The following LRP1B variants were observed in gnomAD, a reference collection of about 807,000 sequenced individuals.
The protein encoded by LRP1B is LDL receptor related protein 1B, also known as low-density lipoprotein receptor-related protein 1B.
In LRP1B, 217 loss-of-function variants were observed where a neutral mutation model predicts 556.6. The observed-to-expected ratio is 0.39, with a 90% CI of 0.35 to 0.44. The LOEUF is 0.44. Ranked by LOEUF, LRP1B falls within the 20% of genes least tolerant of loss-of-function variation. The pLI is 1.00. For missense variants in LRP1B, 5,053 were observed against 5,620.8 expected (o/e 0.90, Z 3.23); for synonymous variants, 2,047 against 1,865.8 (o/e 1.10, Z -2.50).
chr2:141,746,667 G>C (rs1454275316), intron 2 of LRP1B, among the ~76,000 whole-genome samples: 1 of 151,924 alleles, frequency 6.6e-6, no homozygotes, highest in African/African-American at 2.4e-5. Context: ...ACCTTCACAA[G>C]ATATAGATAG....
intron 41 of LRP1B, among the ~76,000 whole-genome samples, chr2:140,635,638 C>CT (rs1341007294): frequency 6.6e-6 from 1 of 151,846 alleles, no homozygotes; most frequent in African/African-American, 2.4e-5. Flanking sequence ...CATCTGTACT[C>CT]TGAGTTTTAT....
intron 35 of LRP1B, among the ~76,000 whole-genome samples, chr2:140,767,388 G>C (rs933177089): frequency 6.6e-6 from 1 of 151,924 alleles, no homozygotes; most frequent in Non-Finnish European, 1.5e-5. Context: ...CTTAGGAAAA[G>C]TTACTTTGAC....
intron 32 of LRP1B, among the ~76,000 whole-genome samples, chr2:140,811,490 C>T (rs1470516256): frequency 1.3e-5 from 2 of 152,088 alleles, no homozygotes; most frequent in African/African-American, 2.4e-5. Flanking sequence ...CACCGACTTT[C>T]CTTGAAATAT....
chr2:140,646,305 C>T (rs1684482293), intron 41 of LRP1B, among the ~76,000 whole-genome samples: 1 of 152,152 alleles, frequency 6.6e-6, no homozygotes, highest in African/African-American at 2.4e-5. Flanking sequence ...GCAGGTAGAC[C>T]TGATCACCGC....
At chr2:142,057,406 T>C (rs566267870) in intron 1 of LRP1B, among the ~76,000 whole-genome samples, 1 of 152,250 alleles carries the variant, frequency 6.6e-6, no homozygotes, top group South Asian at 2.1e-4. Context: ...AACTCTCTTA[T>C]GTGCAAGAAG....
rs188673608 is a variant in LRP1B at position 142,078,595 on chromosome 2, C to T, written c.82+52053G>A. On this transcript the variant is annotated intron_variant, in intron 1 of 90. Transcript: ENST00000389484. ...TTCCTGCCCTGTACAGCGGGTAAAA[C>T]AATCTATGAGACAGGGCTATTGCTT... 7.9e-5 allele frequency among the ~76,000 whole-genome samples: 12 copies of T among 152,236 alleles called. No individual in the cohort carries two copies. In the East Asian group the frequency reaches 2.3e-3, roughly 29 times the overall value.
rs139380074 is a variant in LRP1B at position 141,317,371 on chromosome 2, C to G, written c.344-62730G>C. 6.6e-3 allele frequency among the ~76,000 whole-genome samples: 1,002 copies of G among 152,258 alleles called. 5 individuals are homozygous for G. The highest frequency in any genetic ancestry group is 0.014 in the Middle Eastern group (4 of 294). ...CCAAGGTCTTGTCTTCCTTGGCTTGCAGATGGCTACCTTCAAGCTGTACCC... is the reference window on the plus strand; with the variant it reads ...CCAAGGTCTTGTCTTCCTTGGCTTGGAGATGGCTACCTTCAAGCTGTACCC... On this transcript the variant is annotated intron_variant, in intron 3 of 90. Coordinates refer to ENST00000389484, the MANE Select transcript of LRP1B (RefSeq NM_018557.3).
chr2:141,062,688 C>CT (rs1270879466), intron 7 of LRP1B, among the ~76,000 whole-genome samples: 1 of 151,628 alleles, frequency 6.6e-6, no homozygotes, highest in Non-Finnish European at 1.5e-5. Context: ...ATGTTTGTGT[C>CT]TTATAAAACT....
At chr2:142,022,603 G>A (rs757316127) in intron 1 of LRP1B, among the ~76,000 whole-genome samples, 1 of 151,936 alleles carries the variant, frequency 6.6e-6, no homozygotes, top group Non-Finnish European at 1.5e-5. Flanking sequence ...CATGTGAAAG[G>A]GGCTTAATGA....
At chr2:141,136,239 G>T (rs1045983155) in intron 7 of LRP1B, among the ~76,000 whole-genome samples, 1 of 151,778 alleles carries the variant, frequency 6.6e-6, no homozygotes, top group East Asian at 1.9e-4. Context: ...TTTCACAGAG[G>T]GTTAACTGGA....
At chr2:141,809,337 A>G (rs1465776809) in intron 2 of LRP1B, among the ~76,000 whole-genome samples, 1 of 152,128 alleles carries the variant, frequency 6.6e-6, no homozygotes. Flanking sequence ...AATGAAACCA[A>G]TAATTGTTAT....
At chr2:141,393,185 C>T (rs566757481) in intron 3 of LRP1B, among the ~76,000 whole-genome samples, 1 of 152,006 alleles carries the variant, frequency 6.6e-6, no homozygotes, top group East Asian at 1.9e-4. Context: ...ATAGTAAGTT[C>T]CCAAAACCTG....
At chr2:141,621,670 T>G (rs1427291610) in intron 2 of LRP1B, among the ~76,000 whole-genome samples, 2 of 152,106 alleles carry the variant, frequency 1.3e-5, no homozygotes, top group Non-Finnish European at 2.9e-5. Flanking sequence ...AGTCAGAAAT[T>G]TATGCAGGAG....
intron 66 of LRP1B, among the ~76,000 whole-genome samples, chr2:140,394,568 AC>A (rs1319604497): frequency 6.6e-6 from 1 of 151,952 alleles, no homozygotes; most frequent in Non-Finnish European, 1.5e-5. Context: ...TGAGAAAACT[AC>A]CCTTGAACCA....
At chr2:141,723,554 T>A (rs949278745) in intron 2 of LRP1B, among the ~76,000 whole-genome samples, 8 of 151,796 alleles carry the variant, frequency 5.3e-5, no homozygotes, top group African/African-American at 1.9e-4. Context: ...CATCAGAGAA[T>A]GAAGAGAAAA....
intron 59 of LRP1B, among the ~76,000 whole-genome samples, chr2:140,475,664 A>G (rs1317030629): frequency 1.3e-5 from 2 of 151,666 alleles, no homozygotes; most frequent in Non-Finnish European, 3.0e-5. Context: ...ATACCTATCA[A>G]TGTTGAAGGA....
At chr2:141,511,789 C>T (rs986657438) in intron 2 of LRP1B, among the ~76,000 whole-genome samples, 6 of 152,140 alleles carry the variant, frequency 3.9e-5, no homozygotes, top group African/African-American at 1.4e-4. Context: ...AAAAGAATGG[C>T]TTTAACTCTA....
At chr2:141,634,001 A>G (rs1045968370) in intron 2 of LRP1B, among the ~76,000 whole-genome samples, 14 of 151,874 alleles carry the variant, frequency 9.2e-5, no homozygotes, top group Non-Finnish European at 1.8e-4. Context: ...TAAAATCACT[A>G]TACGTGAGTA....
chr2:141,308,327 C>T (rs771837837), intron 3 of LRP1B, among the ~76,000 whole-genome samples: 23 of 152,128 alleles, frequency 1.5e-4, no homozygotes, highest in Non-Finnish European at 3.1e-4. Flanking sequence ...GAGTTCAAAC[C>T]CATCCCTGGA....
Sources: allele counts gnomAD v4.1 joint callset (sites outside exome capture counted in the v4.1 genomes callset), GRCh38; gene constraint gnomAD v4.1.1; transcripts MANE v1.5; gene names NCBI Gene and HGNC (gene_info 2026-07-23, HGNC 2026-07-21).